The following MACF1 variants were observed in gnomAD, a reference collection of about 807,000 sequenced individuals.
The protein encoded by MACF1 is microtubule-actin cross-linking factor 1.
A neutral mutation model predicts 854.8 loss-of-function variants in MACF1; 193 were observed. That is an observed-to-expected ratio of 0.23 (90% CI 0.20 to 0.25). The LOEUF is 0.25. Ranked by LOEUF, MACF1 falls within the 10% of genes least tolerant of loss-of-function variation. The probability of loss-of-function intolerance (pLI) is 1.00; values close to 1 mark genes in which losing one functional copy is unlikely to be tolerated. For synonymous variants in MACF1, 3,185 were observed against 3,226.7 expected, an observed-to-expected ratio of 0.99 and a Z score of 0.44; for missense variants, 7,722 against 8,929.1, an observed-to-expected ratio of 0.86 and a Z score of 5.45.
intron 88 of MACF1, among the ~76,000 whole-genome samples, chr1:39,454,077 T>C (rs1644388482): frequency 6.6e-6 from 1 of 152,226 alleles, no homozygotes; most frequent in South Asian, 2.1e-4. Context: ...ACATGTTGTG[T>C]AGTGTCTGCT....
chr1:39,323,005 G>A lies in MACF1; in HGVS notation c.4233G>A (p.Glu1411=), dbSNP rs1646541258. The stretch of plus-strand genomic sequence containing the variant: ...ATGCACTCCGGCGTCTGGAGGAGGA[G>A]GAGGTGAGGACAGTTGGGTCCAAAG... ...ISDALRRLEE[E]EKVVEEEKQE... is the part of the protein sequence containing the mutation. The change falls in exon 33 of 101, where the codon GAG becomes GAA. Residue 1411 remains glutamate (E), a synonymous_variant. Transcript: ENST00000564288. The A allele has an allele frequency of 6.2e-7, 1 of 1,614,034 alleles. No individual in the cohort carries two copies. Among genetic ancestry groups the A allele is most frequent in the East Asian group, 2.2e-5 (1 of 44,892 alleles).
rs749062956 is a variant in MACF1, at chr1:39,295,102, A to G, written c.2211A>G (p.Thr737=). ...ATGTGTTTCGTTCTCTACAAGATAC[A>G]GCAGAACTACTTTCACTTGAGAACC... The part of the protein sequence containing the change: ...KQDVFRSLQD[T]AELLSLENHP... The change falls in exon 19 of 101, where the codon ACA becomes ACG. Residue 737 remains threonine (T), a synonymous_variant. Coordinates refer to ENST00000564288, the MANE Select transcript of MACF1 (RefSeq NM_001394062.1). 6 of 1,614,166 alleles carry G rather than the reference A, an allele frequency of 3.7e-6. No homozygotes were observed. Among genetic ancestry groups the G allele is most frequent in the Non-Finnish European group, 5.1e-6 (6 of 1,180,008 alleles).
At chr1:39,357,985 A>G in intron 45 of MACF1, 92 bp downstream of exon 45, 3 of 1,262,380 alleles carry the variant, frequency 2.4e-6, no homozygotes, top group East Asian at 2.4e-5. Flanking sequence ...TAAGAACTCC[A>G]GGACACAGTA....
At chr1:39,209,433 G>C (rs1297367155) in intron 1 of MACF1, among the ~76,000 whole-genome samples, 1 of 152,142 alleles carries the variant, frequency 6.6e-6, no homozygotes, top group African/African-American at 2.4e-5. Context: ...CATTGTGATA[G>C]TGTAAACAGG....
chr1:39,196,878 G>A (rs762578261), intron 2 of MACF1, among the ~76,000 whole-genome samples: 1 of 152,178 alleles, frequency 6.6e-6, no homozygotes, highest in Non-Finnish European at 1.5e-5. Flanking sequence ...ACAGTTAGGG[G>A]AGACCATCCC....
chr1:39,133,938 A>C (rs1046898716), intron 2 of MACF1, among the ~76,000 whole-genome samples: 1 of 151,834 alleles, frequency 6.6e-6, no homozygotes, highest in Non-Finnish European at 1.5e-5. Flanking sequence ...GGGTTTTGTG[A>C]ATACTACGAA....
At chr1:39,206,529 T>C (rs1382061697) in intron 1 of MACF1, 1 of 152,248 alleles carries the variant, frequency 6.6e-6, no homozygotes. Context: ...ACTTAAGAGC[T>C]ATCACTGTAT....
intron 66 of MACF1, among the ~76,000 whole-genome samples, chr1:39,431,283 G>C (rs1301955088): frequency 6.6e-6 from 1 of 152,160 alleles, no homozygotes. Context: ...ATGGAAGAGG[G>C]GGAAGGAATT....
chr1:39,208,038 C>A (rs146344339), intron 1 of MACF1, among the ~76,000 whole-genome samples: 1,762 of 149,630 alleles, frequency 0.012, 30 homozygotes, highest in African/African-American at 0.04. Flanking sequence ...GAGGCTGAGG[C>A]AGGAGAACAG....
chr1:39,454,819 G>A (rs1443143570), intron 88 of MACF1, 90 bp from the exon 89 acceptor site: 2 of 1,129,054 alleles, frequency 1.8e-6, no homozygotes, highest in African/African-American at 1.6e-5. Flanking sequence ...AAAATAAAAA[G>A]CCATTATGAA....
intron 48 of MACF1, 98 bp from the exon 49 acceptor site, chr1:39,361,262 C>CCAGTCCCCCTT: frequency 8.1e-7 from 1 of 1,228,940 alleles, no homozygotes; most frequent in South Asian, 1.5e-5. Flanking sequence ...TTGCAGTCCT[C>CCAGTCCCCCTT]CAGTCCCCCT....
chr1:39,087,689 C>T (rs1437278719), intron 2 of MACF1, among the ~76,000 whole-genome samples: 3 of 152,218 alleles, frequency 2.0e-5, no homozygotes, highest in Non-Finnish European at 4.4e-5. Flanking sequence ...CATATGTTAG[C>T]ATCCGAGGCT....
chr1:39,470,788 T>A (rs1030933918), intron 97 of MACF1, among the ~76,000 whole-genome samples: 7 of 152,264 alleles, frequency 4.6e-5, no homozygotes, highest in Admixed American at 4.6e-4. Flanking sequence ...CCTTTCCAAA[T>A]CTATGAATAA....
At chr1:39,231,966 C>G (rs185154682) in intron 2 of MACF1, among the ~76,000 whole-genome samples, 4 of 151,500 alleles carry the variant, frequency 2.6e-5, no homozygotes, top group African/African-American at 9.7e-5. Flanking sequence ...ATTTTACCAC[C>G]AGGTAGTCTA....
chr1:39,406,752 A>AC (rs1642724285), intron 58 of MACF1, among the ~76,000 whole-genome samples: 4 of 150,488 alleles, frequency 2.7e-5, no homozygotes, highest in East Asian at 3.9e-4. Flanking sequence ...AAAAAAAAAA[A>AC]AAAAAACATT....
chr1:39,212,933 A>T (rs1349431478), intron 1 of MACF1, among the ~76,000 whole-genome samples: 1 of 152,158 alleles, frequency 6.6e-6, no homozygotes, highest in East Asian at 1.9e-4. Flanking sequence ...GCCGAGTTAA[A>T]TGTTTTTATT....
In MACF1 at chr1:39,296,771, GAAAAGA is replaced by G. The variant is rs1453413128; in HGVS notation, c.2356-846_2356-841del. 5.1e-3 allele frequency among the ~76,000 whole-genome samples: 477 copies of G among 92,702 alleles called. 11 individuals are homozygous for G. Among genetic ancestry groups the G allele is most frequent in the Middle Eastern group, 0.011 (2 of 180 alleles). The allele number at this position is 92,702 out of a possible 152,430, so 60.8% of individuals were successfully genotyped here. A position where few individuals can be genotyped will look rare whatever the true frequency, so the allele number is the denominator to read the frequency against. ...GAAAGAAAGGAAGGAAGGAAGGAAG[GAAAAGA>G]AAGAAAGAAAGAAAGGAAGGAAGGA... is the stretch of plus-strand genomic sequence containing the variant. On this transcript the variant is annotated intron_variant, in intron 20 of 100. Transcript: ENST00000564288.
chr1:39,293,414 T>C (rs1260440801), intron 17 of MACF1, 44 bp from the exon 18 acceptor site: 9 of 1,542,846 alleles, frequency 5.8e-6, no homozygotes, highest in Non-Finnish European at 7.1e-6. Context: ...CTTCTACAGA[T>C]ACAAAGGCTG....
intron 2 of MACF1, among the ~76,000 whole-genome samples, chr1:39,197,201 C>T (rs1001579474): frequency 3.3e-5 from 5 of 151,820 alleles, no homozygotes; most frequent in African/African-American, 1.2e-4. Context: ...TCTGCTTCTT[C>T]CTTCCAACAT....
Sources: allele counts gnomAD v4.1 joint callset (sites outside exome capture counted in the v4.1 genomes callset), GRCh38; gene constraint gnomAD v4.1.1; transcripts MANE v1.5; gene names NCBI Gene and HGNC (gene_info 2026-07-23, HGNC 2026-07-21).